MRTFA: variants seen among roughly 807,000 people sequenced by gnomAD.
MRTFA encodes the protein myocardin related transcription factor A.
Under a neutral mutation model 83.5 loss-of-function variants are expected in MRTFA, and 20 were observed. That is an observed-to-expected ratio of 0.24 (90% CI 0.17 to 0.35). MRTFA has a LOEUF of 0.35. MRTFA is among the 10% of genes least tolerant of loss of function. The pLI, the probability that MRTFA is intolerant of heterozygous loss-of-function variation, is 1.00. For synonymous variants in MRTFA, 659 were observed against 541.2 expected (o/e 1.22, Z -3.02); for missense variants, 1,200 against 1,224.7 (o/e 0.98, Z 0.30).
chr22:40,483,372 A>AC (rs906011139), intron 3 of MRTFA, among the ~76,000 whole-genome samples: 5 of 139,496 alleles, frequency 3.6e-5, no homozygotes, highest in Non-Finnish European at 6.2e-5. Flanking sequence ...ACCTAAAGTA[A>AC]TTTTTTTTTT....
intron 4 of MRTFA, among the ~76,000 whole-genome samples, chr22:40,445,135 C>T (rs931268347): frequency 6.6e-6 from 1 of 152,174 alleles, no homozygotes; most frequent in Non-Finnish European, 1.5e-5. Context: ...TTACCCCCAA[C>T]ATACACACTC....
At chr22:40,457,234 C>T (rs1397836445) in intron 4 of MRTFA, among the ~76,000 whole-genome samples, 2 of 151,638 alleles carry the variant, frequency 1.3e-5, no homozygotes, top group African/African-American at 2.4e-5. Context: ...GCGTGGTGGC[C>T]GGTCCCTGTA....
At chr22:40,447,454 C>G (rs2053402656) in intron 4 of MRTFA, among the ~76,000 whole-genome samples, 1 of 151,886 alleles carries the variant, frequency 6.6e-6, no homozygotes, top group Non-Finnish European at 1.5e-5. Flanking sequence ...AAGCAGAGAA[C>G]AGCATGTGGA....
At chr22:40,587,828 G>A in intron 2 of MRTFA, 1 of 359,914 alleles carries the variant, frequency 2.8e-6, no homozygotes, top group Non-Finnish European at 5.4e-6. Context: ...CTGACGACCT[G>A]CTAATTCACT....
chr22:40,574,873 A>G (rs1319387698), intron 2 of MRTFA, among the ~76,000 whole-genome samples: 1 of 152,222 alleles, frequency 6.6e-6, no homozygotes. Flanking sequence ...ACTGGAACCA[A>G]TCCTCCATGA....
At chr22:40,509,982 TA>T (rs556051473) in intron 3 of MRTFA, among the ~76,000 whole-genome samples, 94 of 108,060 alleles carry the variant, frequency 8.7e-4, no homozygotes, top group Non-Finnish European at 8.2e-4. Flanking sequence ...CCAAGTACTT[TA>T]AAAAAAAAAA....
At chr22:40,532,572 G>C (rs985561373) in intron 3 of MRTFA, among the ~76,000 whole-genome samples, 3 of 152,164 alleles carry the variant, frequency 2.0e-5, no homozygotes, top group African/African-American at 7.2e-5. Context: ...AGTAAAACCA[G>C]AAAGAACAAA....
At chr22:40,455,872 C>T (rs1330062752) in intron 4 of MRTFA, among the ~76,000 whole-genome samples, 4 of 150,296 alleles carry the variant, frequency 2.7e-5, no homozygotes, top group African/African-American at 4.9e-5. Context: ...CTCACTCTGT[C>T]GCCCAGACTG....
chr22:40,632,442 C>T (rs1386185153), intron 1 of MRTFA, among the ~76,000 whole-genome samples: 1 of 151,752 alleles, frequency 6.6e-6, no homozygotes, highest in Non-Finnish European at 1.5e-5. Context: ...GGCTGCCACT[C>T]CCAGATAATT....
At chr22:40,423,014 A>C (rs924702474) in intron 9 of MRTFA, among the ~76,000 whole-genome samples, 1 of 152,190 alleles carries the variant, frequency 6.6e-6, no homozygotes, top group African/African-American at 2.4e-5. Flanking sequence ...AGGACTCTGC[A>C]TGAGCTCTTG....
intron 2 of MRTFA, among the ~76,000 whole-genome samples, chr22:40,592,571 C>T (rs942607269): frequency 2.0e-5 from 3 of 151,812 alleles, no homozygotes; most frequent in Non-Finnish European, 4.4e-5. Flanking sequence ...TCACTACAGC[C>T]TCTACCTCCC....
chr22:40,428,231 T>C (rs2052995201), intron 7 of MRTFA, among the ~76,000 whole-genome samples: 1 of 152,134 alleles, frequency 6.6e-6, no homozygotes, highest in South Asian at 2.1e-4. Context: ...GCATGGGAAG[T>C]GGGGCTAAGT....
At chr22:40,487,735 C>T (rs1247716434) in intron 3 of MRTFA, among the ~76,000 whole-genome samples, 1 of 152,186 alleles carries the variant, frequency 6.6e-6, no homozygotes, top group Non-Finnish European at 1.5e-5. Flanking sequence ...ATGTGAGTTC[C>T]TTCTGGAGGC....
Position 40,531,407 on chromosome 22 carries a change from A to G in MRTFA, c.241+20699T>C, listed in dbSNP as rs560563346. On this transcript the variant is annotated intron_variant, in intron 3 of 14. Coordinates refer to ENST00000355630, the MANE Select transcript of MRTFA (RefSeq NM_020831.6). ...CCAGGCCTGAAAGTTTGTATATAACATACATGAACATGTCTCACCAAAACC... is the reference window on the plus strand; with the variant it reads ...CCAGGCCTGAAAGTTTGTATATAACGTACATGAACATGTCTCACCAAAACC... Among the ~76,000 whole-genome samples, 73 of 151,922 alleles carry G rather than the reference A, an allele frequency of 4.8e-4. 1 individual carries two copies. Among genetic ancestry groups the G allele is most frequent in the African/African-American group, 1.7e-3 (71 of 41,444 alleles).
chr22:40,447,761 C>T (rs935182788), intron 4 of MRTFA, among the ~76,000 whole-genome samples: 2 of 152,212 alleles, frequency 1.3e-5, no homozygotes, highest in South Asian at 4.1e-4. Flanking sequence ...CTATTTTCCA[C>T]ATTTTACAGT....
intron 1 of MRTFA, among the ~76,000 whole-genome samples, chr22:40,627,957 C>CA (rs1427595490): frequency 6.6e-6 from 1 of 152,112 alleles, no homozygotes; most frequent in Non-Finnish European, 1.5e-5. Context: ...GAAGACAAAG[C>CA]AAGACTCTGT....
chr22:40,420,514 T>C lies in MRTFA; in HGVS notation c.1244A>G (p.Asn415Ser), dbSNP rs770104257. The change falls in exon 11 of 15, where the codon AAT (asparagine) becomes AGT (serine). Residue 415 changes from asparagine (N) to serine (S), a missense_variant. Transcript: ENST00000355630. ...AGGGGCGCCCGAGCTGGAGCTGCTA[T>C]TGGTAGTGGAGAGGCTGCGTACTGG... is the stretch of plus-strand genomic sequence containing the variant. 1.9e-6 allele frequency: 3 copies of C among 1,613,648 alleles called. No individual in the cohort carries two copies. Among genetic ancestry groups the C allele is most frequent in the African/African-American group, 1.3e-5 (1 of 74,950 alleles).
rs1025952227 is a variant in MRTFA at position 40,430,883 on chromosome 22, C to T, written c.439+522G>A. Among the ~76,000 whole-genome samples, 6 of 121,312 alleles carry T rather than the reference C, an allele frequency of 4.9e-5. 1 individual carries two copies. The South Asian group carries it at 1.1e-3, about 22-fold the overall frequency. The allele number at this position is 121,312 out of a possible 152,430, so 79.6% of individuals were successfully genotyped here. On this transcript the variant is annotated intron_variant, in intron 6 of 14. Transcript: ENST00000355630. ...CACAAAAAAAAAAAAAAAAAAAAAG[C>T]GGGGGAAGAAAAAAAAAAGGGAAAG...
chr22:40,516,868 AAAAGAAGGCCATTCCTATGCAG>A (rs2054769166), intron 3 of MRTFA, among the ~76,000 whole-genome samples: 1 of 152,222 alleles, frequency 6.6e-6, no homozygotes, highest in Admixed American at 6.5e-5. Context: ...TATTTTTTAA[AAAAGAAGGCCATTCCTATGCAG>A]AAAGAAGGTC....
Sources: gnomAD v4.1 joint callset for allele counts (sites outside exome capture counted in the v4.1 genomes callset) on GRCh38, gnomAD v4.1.1 for gene constraint, MANE v1.5 for transcripts, NCBI Gene and HGNC (gene_info 2026-07-23, HGNC 2026-07-21) for gene names.